The following NR6A1 variants were observed in gnomAD, a reference collection of about 807,000 sequenced individuals.
NR6A1 encodes retinoic acid receptor-related testis-associated receptor.
NR6A1 carries 7 observed loss-of-function variants against 59.1 expected under a neutral mutation model. The observed-to-expected ratio is 0.12, with a 90% confidence interval of 0.07 to 0.22. The LOEUF (loss-of-function observed/expected upper bound fraction) is 0.22, where lower values mean the gene tolerates loss of function less well. Among genes scored for constraint, NR6A1 ranks in the 10% least tolerant of loss-of-function variants. The probability of loss-of-function intolerance (pLI) is 1.00; values close to 1 mark genes in which losing one functional copy is unlikely to be tolerated. For missense variants in NR6A1, 468 were observed against 611.6 expected (o/e 0.77, Z 2.48); for synonymous variants, 243 against 236.1 (o/e 1.03, Z -0.27).
At position 124,759,282 on chromosome 9, in the gene NR6A1, T is replaced by A. The variant is rs947972711; in HGVS notation, c.100+11738A>T. ...CCTTTTCCTAAACTGCATTCCCGAA[T>A]ACAGTCAAGCAAACAGCCACTAGTT... On this transcript the variant is annotated intron_variant, in intron 1 of 9. Coordinates refer to ENST00000487099, the MANE Select transcript of NR6A1 (RefSeq NM_033334.4). 1.5e-4 allele frequency among the ~76,000 whole-genome samples: 23 copies of A among 152,308 alleles called. 1 individual carries two copies. The highest frequency in any genetic ancestry group is 5.5e-4 in the African/African-American group (23 of 41,570).
intron 2 of NR6A1, among the ~76,000 whole-genome samples, chr9:124,645,201 C>CA (rs1045064551): frequency 2.2e-4 from 33 of 151,630 alleles, no homozygotes; most frequent in African/African-American, 6.0e-4. Flanking sequence ...ACAAAAGAAA[C>CA]AAAAAAACAC....
chr9:124,662,371 G>A lies in NR6A1; in HGVS notation c.142+70937C>T, dbSNP rs557900125. 6.0e-4 allele frequency among the ~76,000 whole-genome samples: 91 copies of A among 152,242 alleles called. 1 individual carries two copies. In the South Asian group the frequency reaches 0.018, roughly 31 times the overall value. ...GAGTAGGTTTATGAGTATCAACTTTGCTAGCTAGATGATATTAGGCAAATT... is the reference window on the plus strand; with the variant it reads ...GAGTAGGTTTATGAGTATCAACTTTACTAGCTAGATGATATTAGGCAAATT... On this transcript the variant is annotated intron_variant, in intron 2 of 9. Coordinates refer to ENST00000487099, the MANE Select transcript of NR6A1 (RefSeq NM_033334.4).
intron 5 of NR6A1, among the ~76,000 whole-genome samples, chr9:124,539,010 C>G (rs1833366069): frequency 6.6e-6 from 1 of 151,262 alleles, no homozygotes; most frequent in Admixed American, 6.6e-5. Flanking sequence ...GAATTTGAGA[C>G]AAGCCTGGGC....
intron 2 of NR6A1, among the ~76,000 whole-genome samples, chr9:124,707,515 GTTTT>G (rs199653224): frequency 1.4e-5 from 2 of 141,020 alleles, no homozygotes; most frequent in Non-Finnish European, 3.1e-5. Flanking sequence ...AGTTTCTACT[GTTTT>G]TTTTTTTTTC....
At chr9:124,770,892 C>A (rs1841132432) in intron 1 of NR6A1, 128 bp downstream of exon 1, 3 of 472,672 alleles carry the variant, frequency 6.3e-6, no homozygotes, top group Non-Finnish European at 1.0e-5. Context: ...GGTGAAGGGC[C>A]ACCCTAAGGG....
Position 124,517,893 on chromosome 9 carries a change from C to G in NR6A1, c.*4812G>C, listed in dbSNP as rs756828952. ...AAACATGTAAACAGAGCAGGAGCTA[C>G]AGTATTCTTTTCCCACAGGATTCCT... is the stretch of plus-strand genomic sequence containing the variant. On this transcript the variant is annotated 3_prime_UTR_variant, in exon 10 of 10. Transcript: ENST00000487099. The G allele has an allele frequency of 1.3e-5, 2 of 152,028 alleles. No homozygotes were observed. Among genetic ancestry groups the G allele is most frequent in the Non-Finnish European group, 2.9e-5 (2 of 68,028 alleles). The allele number at this position is 152,028 out of a possible 1,614,324, so 9.4% of individuals were successfully genotyped here.
At chr9:124,725,615 A>C (rs1839691310) in intron 2 of NR6A1, among the ~76,000 whole-genome samples, 1 of 152,156 alleles carries the variant, frequency 6.6e-6, no homozygotes, top group South Asian at 2.1e-4. Flanking sequence ...TTGGGCCTCC[A>C]AATTCCAAAG....
chr9:124,593,129 A>G (rs1372993228), intron 2 of NR6A1, among the ~76,000 whole-genome samples: 2 of 152,244 alleles, frequency 1.3e-5, no homozygotes, highest in Non-Finnish European at 2.9e-5. Flanking sequence ...TATAACATGT[A>G]TTAAGATGTG....
At chr9:124,582,068 A>G (rs577829680) in intron 2 of NR6A1, among the ~76,000 whole-genome samples, 2 of 152,254 alleles carry the variant, frequency 1.3e-5, no homozygotes, top group Non-Finnish European at 2.9e-5. Flanking sequence ...CAATCCCATT[A>G]CTGGGTATAT....
rs61755056 is a variant in NR6A1 at position 124,538,194 on chromosome 9, T to G, written c.722A>C (p.Gln241Pro). Residue 241 changes from glutamine (Q) to proline (P), a missense_variant, in exon 6 of 10, where the codon CAA becomes CCA. By Grantham distance (76) the Gln-to-Pro change is moderately conservative. Transcript: ENST00000487099. ...SYSGHSPLLP[Q>P]QARSLDPQSY... ...CTGGGGATCCAGGCTGCGAGCTTGT[T>G]GGGGCAGAAGTGGTGAGTGGCCAGA... 9.2e-4 allele frequency: 1,489 copies of G among 1,614,170 alleles called. 23 individuals carry two copies. The South Asian group carries it at 0.016, about 17-fold the overall frequency.
chr9:124,544,346 G>A (rs2131364951), intron 3 of NR6A1, among the ~76,000 whole-genome samples: 1 of 152,328 alleles, frequency 6.6e-6, no homozygotes, highest in African/African-American at 2.4e-5. Flanking sequence ...GCAGTCAGTA[G>A]AGCACCTGTG....
At chr9:124,524,976 G>T in intron 8 of NR6A1, 103 bp from the exon 9 acceptor site, 1 of 1,292,954 alleles carries the variant, frequency 7.7e-7, no homozygotes, top group Non-Finnish European at 1.0e-6. Context: ...TTTCAACTAA[G>T]TTACTAAACA....
intron 2 of NR6A1, among the ~76,000 whole-genome samples, chr9:124,658,938 G>A (rs141760227): frequency 6.6e-6 from 1 of 152,238 alleles, no homozygotes; most frequent in Non-Finnish European, 1.5e-5. Flanking sequence ...GCTGGAGAGA[G>A]TTATGAAGTC....
intron 2 of NR6A1, among the ~76,000 whole-genome samples, chr9:124,590,822 T>C (rs913475873): frequency 2.6e-5 from 4 of 152,222 alleles, no homozygotes; most frequent in Non-Finnish European, 5.9e-5. Context: ...TATTTATCTA[T>C]CAAAACACAG....
At chr9:124,651,698 T>C (rs1837109292) in intron 2 of NR6A1, among the ~76,000 whole-genome samples, 1 of 152,210 alleles carries the variant, frequency 6.6e-6, no homozygotes, top group Admixed American at 6.5e-5. Flanking sequence ...TACACTAAAA[T>C]AGGCCTCATT....
chr9:124,695,730 C>A (rs1025863957), intron 2 of NR6A1, among the ~76,000 whole-genome samples: 2 of 152,200 alleles, frequency 1.3e-5, no homozygotes, highest in South Asian at 2.1e-4. Context: ...AGGTACTCCA[C>A]GCAGTCTTGT....
At chr9:124,729,315 A>T (rs544888086) in intron 2 of NR6A1, among the ~76,000 whole-genome samples, 2 of 152,366 alleles carry the variant, frequency 1.3e-5, no homozygotes, top group African/African-American at 4.8e-5. Flanking sequence ...AAAATGTATG[A>T]AAGAAACAAG....
At chr9:124,700,155 A>C (rs1015472414) in intron 2 of NR6A1, among the ~76,000 whole-genome samples, 1 of 149,872 alleles carries the variant, frequency 6.7e-6, no homozygotes, top group Admixed American at 6.7e-5. Flanking sequence ...CAGCCTCTGG[A>C]CATTTCATAT....
At chr9:124,673,989 C>A (rs762898365) in intron 2 of NR6A1, among the ~76,000 whole-genome samples, 2 of 152,182 alleles carry the variant, frequency 1.3e-5, no homozygotes, top group Non-Finnish European at 2.9e-5. Context: ...CAAATCTCAG[C>A]TCTGTCCCTT....
Sources: allele counts gnomAD v4.1 joint callset (sites outside exome capture counted in the v4.1 genomes callset), GRCh38; gene constraint gnomAD v4.1.1; transcripts MANE v1.5; gene names NCBI Gene and HGNC (gene_info 2026-07-23, HGNC 2026-07-21).